Variants in CREBBP observed in about 807,000 individuals in gnomAD.
The protein encoded by CREBBP is CREB binding lysine acetyltransferase, also known as CREB-binding protein.
A neutral mutation model predicts 265.0 loss-of-function variants in CREBBP; 19 were observed. The observed-to-expected ratio is 0.07, with a 90% confidence interval of 0.05 to 0.11. The LOEUF (loss-of-function observed/expected upper bound fraction) is 0.11. Among genes scored for constraint, CREBBP ranks in the 10% least tolerant of loss-of-function variants. CREBBP has a pLI of 1.00. For synonymous variants in CREBBP, 1,457 were observed against 1,223.7 expected (o/e 1.19, Z -3.98); for missense variants, 2,525 against 3,219.0 (o/e 0.78, Z 5.22).
chr16:3,868,560 C>G (rs1327275064), intron 1 of CREBBP, among the ~76,000 whole-genome samples: 2 of 152,120 alleles, frequency 1.3e-5, no homozygotes, highest in Non-Finnish European at 2.9e-5. Flanking sequence ...AAATAATAAC[C>G]TGGACTCCTA....
chr16:3,729,572 G>C lies in CREBBP; in HGVS notation c.5475C>G (p.Leu1825=), dbSNP rs2151310495. 1 of 1,614,220 alleles carries C rather than the reference G, an allele frequency of 6.2e-7. No individual in the cohort carries two copies. Among genetic ancestry groups the C allele is most frequent in the South Asian group, 1.1e-5 (1 of 91,090 alleles). The change falls in exon 31 of 31, where the codon CTC becomes CTG. Residue 1825 remains leucine, a synonymous_variant. Coordinates refer to ENST00000262367, the MANE Select transcript of CREBBP (RefSeq NM_004380.3). ...GCPVCKQLIA[L]CCYHAKHCQE... ...GGCAGTGCTTGGCGTGGTAGCAGCA[G>C]AGGGCGATGAGCTGCTTGCACACCG...
Position 3,731,490 on chromosome 16 carries a change from G to A in CREBBP, c.4891-17C>T, listed in dbSNP as rs370472097. The A allele has an allele frequency of 1.0e-5, 16 of 1,569,560 alleles. No individual in the cohort carries two copies. In the African/African-American group the frequency reaches 1.7e-4, roughly 17 times the overall value. On this transcript the variant is annotated splice_polypyrimidine_tract_variant and intron_variant, in intron 29 of 30. Coordinates refer to ENST00000262367, the MANE Select transcript of CREBBP (RefSeq NM_004380.3). This position sits in a 1 kb window ranked among gnomAD's most constrained non-coding sequence, Gnocchi z 7.7. ...GAAGAAGACCTGCAGGAGAGGAGGG[G>A]CTTTAGTCCCACACAAGGGACATGG...
At chr16:3,807,152 G>A (rs1388885463) in intron 3 of CREBBP, among the ~76,000 whole-genome samples, 1 of 152,120 alleles carries the variant, frequency 6.6e-6, no homozygotes, top group Non-Finnish European at 1.5e-5. Context: ...CCCACAAAAG[G>A]CTTTCAACAC....
chr16:3,871,199 TCACACACACACACA>T (rs1037838119), intron 1 of CREBBP, among the ~76,000 whole-genome samples: 2 of 49,734 alleles, frequency 4.0e-5, no homozygotes, highest in Non-Finnish European at 9.8e-5. Flanking sequence ...TCTCTCTCAC[TCACACACACACACA>T]CACACACACA....
chr16:3,762,798 G>A (rs569409909), intron 16 of CREBBP, among the ~76,000 whole-genome samples: 9 of 145,654 alleles, frequency 6.2e-5, no homozygotes, highest in Non-Finnish European at 1.4e-4. Flanking sequence ...TTTTTGAGAC[G>A]GAGTCTTGCT....
At chr16:3,850,197 G>A (rs1307182762) in intron 2 of CREBBP, 100 bp downstream of exon 2, 21 of 1,197,688 alleles carry the variant, frequency 1.8e-5, no homozygotes, top group Admixed American at 1.7e-5. Context: ...GAGCCCAAGA[G>A]GAAAAACAGG....
chr16:3,866,968 G>T (rs1034056701), intron 1 of CREBBP, among the ~76,000 whole-genome samples: 1 of 152,112 alleles, frequency 6.6e-6, no homozygotes, highest in East Asian at 1.9e-4. Flanking sequence ...AAGGATTTCT[G>T]AGTCATACTC....
intron 2 of CREBBP, among the ~76,000 whole-genome samples, chr16:3,818,015 T>C (rs754762938): frequency 1.4e-4 from 22 of 152,218 alleles, no homozygotes; most frequent in Admixed American, 5.2e-4. Context: ...CCTTTGCAAA[T>C]AGTCCACTTC....
chr16:3,849,440 T>TGGGTG lies in CREBBP; in HGVS notation c.798+856_798+857insCACCC, dbSNP rs1567360432. 2.0e-4 allele frequency among the ~76,000 whole-genome samples: 3 copies of TGGGTG among 14,866 alleles called. 1 individual carries two copies. The highest frequency in any genetic ancestry group is 7.1e-4 in the Non-Finnish European group (2 of 2,800). The allele number at this position is 14,866 out of a possible 152,430, so 9.8% of individuals were successfully genotyped here. A position where few individuals can be genotyped will look rare whatever the true frequency, so the allele number is the denominator to read the frequency against. On this transcript the variant is annotated intron_variant, in intron 2 of 30. Coordinates refer to ENST00000262367, the MANE Select transcript of CREBBP (RefSeq NM_004380.3). ...GTGTGTGTGTGTGTGTGTGTGTGTG[T>TGGGTG]GTGTGTGTGTGTGTGTGTGTGTGTG...
chr16:3,869,994 A>C (rs762803158), intron 1 of CREBBP, among the ~76,000 whole-genome samples: 3 of 152,238 alleles, frequency 2.0e-5, no homozygotes, highest in Admixed American at 6.5e-5. Flanking sequence ...GTAGAGGAAC[A>C]ACCACAATGA....
At position 3,769,255 on chromosome 16, in the gene CREBBP, A is replaced by T. The variant is rs754823012; in HGVS notation, c.2979T>A (p.Pro993=). ...TNSQQPGPDV[P]VLEMKTETQA... is the part of the protein sequence containing the mutation. ...GGGTCTCCGTCTTCATTTCCAGCAC[A>T]GGTACGTCAGGTCCTGGCTGCTGGG... The change falls in exon 15 of 31, where the codon CCT becomes CCA. Residue 993 remains proline (P), a synonymous_variant. Coordinates refer to ENST00000262367, the MANE Select transcript of CREBBP (RefSeq NM_004380.3). The T allele has an allele frequency of 2.5e-6, 4 of 1,614,162 alleles. No individual in the cohort carries two copies. Among genetic ancestry groups the T allele is most frequent in the Non-Finnish European group, 3.4e-6 (4 of 1,180,030 alleles).
intron 27 of CREBBP, 161 bp from the exon 28 acceptor site, chr16:3,736,364 A>C (rs1596804905): frequency 1.3e-6 from 1 of 772,322 alleles, no homozygotes; most frequent in Non-Finnish European, 2.2e-6. Flanking sequence ...ACACATGTGC[A>C]CCCCCCACCA....
intron 1 of CREBBP, among the ~76,000 whole-genome samples, chr16:3,860,908 AACCAAGCCCTGGTTCAGATCACAG>A (rs1375561691): frequency 7.2e-5 from 11 of 152,082 alleles, no homozygotes; most frequent in Admixed American, 2.0e-4. Context: ...AAGAGTACTC[AACCAAGCCCTGGTTCAGATCACAG>A]CTGTCACCAC....
intron 2 of CREBBP, among the ~76,000 whole-genome samples, chr16:3,837,090 G>C (rs2054467872): frequency 6.6e-6 from 1 of 152,156 alleles, no homozygotes; most frequent in Non-Finnish European, 1.5e-5. Context: ...CTGTAAAACA[G>C]CCTCAAGGCA....
rs2055485942 is a variant in CREBBP at position 3,879,761 on chromosome 16, C to G, written c.85+71G>C. 1.0e-5 allele frequency: 15 copies of G among 1,484,214 alleles called. No individual in the cohort carries two copies. In the South Asian group the frequency reaches 1.7e-4, roughly 17 times the overall value. The allele number at this position is 1,484,214 out of a possible 1,614,324, so 91.9% of individuals were successfully genotyped here. A position where few individuals can be genotyped will look rare whatever the true frequency, so the allele number is the denominator to read the frequency against. On this transcript the variant is annotated intron_variant, in intron 1 of 30. Coordinates refer to ENST00000262367, the MANE Select transcript of CREBBP (RefSeq NM_004380.3). ...TCGATCGGTATCCGCGACCACGACC[C>G]CCGGACGCTCTCTTTCAGGTGGGGG...
At chr16:3,801,344 T>C (rs537315445) in intron 3 of CREBBP, among the ~76,000 whole-genome samples, 1 of 152,304 alleles carries the variant, frequency 6.6e-6, no homozygotes, top group South Asian at 2.1e-4. Context: ...GAAATGCTCA[T>C]CAAAGTAAGA....
chr16:3,803,149 T>C (rs1225414343), intron 3 of CREBBP, among the ~76,000 whole-genome samples: 1 of 151,644 alleles, frequency 6.6e-6, no homozygotes, highest in Non-Finnish European at 1.5e-5. Context: ...TTTTGCTTTG[T>C]GTTTATTGAT....
At chr16:3,851,595 C>CT (rs1179471012) in intron 1 of CREBBP, among the ~76,000 whole-genome samples, 1 of 152,082 alleles carries the variant, frequency 6.6e-6, no homozygotes, top group Non-Finnish European at 1.5e-5. Flanking sequence ...TGGCTCAAGC[C>CT]TGTAATCCCA....
intron 23 of CREBBP, chr16:3,742,534 A>T (rs528935006): frequency 6.6e-6 from 1 of 151,734 alleles, no homozygotes; most frequent in Non-Finnish European, 1.5e-5. Flanking sequence ...TTCCTTTCTC[A>T]TCTCTGGGCT....
Sources: allele counts gnomAD v4.1 joint callset (sites outside exome capture counted in the v4.1 genomes callset), GRCh38; gene constraint gnomAD v4.1.1; non-coding constraint Gnocchi (gnomAD v3.1); transcripts MANE v1.5; gene names NCBI Gene and HGNC (gene_info 2026-07-23, HGNC 2026-07-21).